Variants in ROBO1 observed in about 807,000 individuals in gnomAD.
ROBO1 encodes roundabout homolog 1.
Under a neutral mutation model 195.9 loss-of-function variants are expected in ROBO1, and 149 were observed. That is an observed-to-expected ratio of 0.76 (90% CI 0.67 to 0.87). The LOEUF (loss-of-function observed/expected upper bound fraction) is 0.87, where lower values mean the gene tolerates loss of function less well. ROBO1 is among the 40% of genes least tolerant of loss of function. ROBO1 has a pLI of 0.00. For missense variants in ROBO1, 1,933 were observed against 2,068.3 expected (o/e 0.93, Z 1.27); for synonymous variants, 816 against 733.2 (o/e 1.11, Z -1.82).
chr3:79,266,969 T>C (rs1458871076), intron 2 of ROBO1, among the ~76,000 whole-genome samples: 1 of 151,570 alleles, frequency 6.6e-6, no homozygotes, highest in Non-Finnish European at 1.5e-5. Flanking sequence ...CGTTCACTTA[T>C]ATGCTTTTTG....
intron 2 of ROBO1, among the ~76,000 whole-genome samples, chr3:79,242,778 T>A (rs1465401552): frequency 6.6e-6 from 1 of 152,092 alleles, no homozygotes; most frequent in African/African-American, 2.4e-5. Context: ...GAGACGGTAA[T>A]AGCTACAATG....
At chr3:79,542,426 T>G (rs1480909784) in intron 2 of ROBO1, among the ~76,000 whole-genome samples, 1 of 152,046 alleles carries the variant, frequency 6.6e-6, no homozygotes, top group African/African-American at 2.4e-5. Flanking sequence ...ATAAAGTTAT[T>G]TTTTCAGAAA....
At chr3:78,964,664 C>T (rs2041580967) in intron 3 of ROBO1, among the ~76,000 whole-genome samples, 1 of 151,908 alleles carries the variant, frequency 6.6e-6, no homozygotes, top group South Asian at 2.1e-4. Flanking sequence ...GAGAAGATAA[C>T]CATCCCCATA....
At position 79,476,546 on chromosome 3, in the gene ROBO1, G is replaced by GGT. The variant is rs1938555048; in HGVS notation, c.88+113276_88+113277dup. On this transcript the variant is annotated intron_variant, in intron 2 of 30. Transcript: ENST00000464233. ...ATCAACGAGTGGATAAATAAATTGT[G>GGT]GTGTATATATATATACCATGGAATA... Among the ~76,000 whole-genome samples, 4 of 151,920 alleles carry GGT rather than the reference G, an allele frequency of 2.6e-5. 1 individual carries two copies. In the South Asian group the frequency reaches 6.2e-4, roughly 24 times the overall value.
In ROBO1 at chr3:79,639,066, G is replaced by T. The variant is rs141686819; in HGVS notation, c.-50-49105C>A. On this transcript the variant is annotated intron_variant, in intron 1 of 30. Coordinates refer to ENST00000464233, the MANE Select transcript of ROBO1 (RefSeq NM_002941.4). ...AATGTTCACTTGCATAGCATCAATG[G>T]TGTTTGGGAGAGAGTTTCTATCAAA... Among the ~76,000 whole-genome samples, 681 of 152,274 alleles carry T rather than the reference G, an allele frequency of 4.5e-3. 3 individuals are homozygous for T. The highest frequency in any genetic ancestry group is 0.015 in the African/African-American group (629 of 41,572).
intron 2 of ROBO1, among the ~76,000 whole-genome samples, chr3:79,376,331 A>G (rs867538500): frequency 1.3e-5 from 2 of 152,172 alleles, no homozygotes; most frequent in Non-Finnish European, 1.5e-5. Flanking sequence ...TTTGTCCCTT[A>G]AGATCTTTCT....
chr3:78,873,319 T>G (rs151254742), intron 4 of ROBO1, among the ~76,000 whole-genome samples: 17 of 152,160 alleles, frequency 1.1e-4, no homozygotes, highest in Non-Finnish European at 2.2e-4. Flanking sequence ...TCTGGAGATA[T>G]CCAATTTTGT....
chr3:79,603,030 T>C (rs1251354526), intron 1 of ROBO1, among the ~76,000 whole-genome samples: 1 of 152,030 alleles, frequency 6.6e-6, no homozygotes, highest in East Asian at 1.9e-4. Flanking sequence ...CTTCTGAATG[T>C]CATTCCTTGT....
At chr3:79,678,451 A>T (rs1326670323) in intron 1 of ROBO1, among the ~76,000 whole-genome samples, 1 of 152,074 alleles carries the variant, frequency 6.6e-6, no homozygotes, top group Non-Finnish European at 1.5e-5. Context: ...TAGATAAAAT[A>T]TTTGATAAGG....
intron 3 of ROBO1, chr3:79,018,568 C>T: frequency 3.9e-6 from 6 of 1,519,366 alleles, no homozygotes; most frequent in Non-Finnish European, 5.3e-6. Flanking sequence ...TTAATATAAG[C>T]AACGTGGGTC....
intron 2 of ROBO1, among the ~76,000 whole-genome samples, chr3:79,448,933 C>T (rs1192554652): frequency 6.6e-6 from 1 of 152,048 alleles, no homozygotes; most frequent in Non-Finnish European, 1.5e-5. Flanking sequence ...TTTCTACCTC[C>T]AAGATTCAGT....
intron 4 of ROBO1, among the ~76,000 whole-genome samples, chr3:78,857,157 A>G (rs2034498635): frequency 6.6e-6 from 1 of 152,110 alleles, no homozygotes; most frequent in South Asian, 2.1e-4. Context: ...TTAGGCCTCA[A>G]ATGGGTGGCA....
intron 3 of ROBO1, among the ~76,000 whole-genome samples, chr3:79,110,605 G>A (rs1190779107): frequency 1.3e-5 from 2 of 149,368 alleles, no homozygotes; most frequent in African/African-American, 5.0e-5. Context: ...TTATTGATTT[G>A]AAGTGAGGGA....
chr3:78,772,717 G>C (rs746666772), intron 4 of ROBO1, among the ~76,000 whole-genome samples: 4 of 151,902 alleles, frequency 2.6e-5, no homozygotes, highest in Non-Finnish European at 4.4e-5. Context: ...CTACTTCTCA[G>C]GCCTCTACTC....
intron 3 of ROBO1, chr3:79,019,204 G>A (rs931950990): frequency 1.0e-6 from 1 of 986,554 alleles, no homozygotes; most frequent in Non-Finnish European, 1.2e-6. Flanking sequence ...ATCGCCCTCG[G>A]CCCCTCGCCC....
At chr3:79,767,216 G>A (rs1005339803) in intron 1 of ROBO1, among the ~76,000 whole-genome samples, 1 of 152,076 alleles carries the variant, frequency 6.6e-6, no homozygotes, top group Non-Finnish European at 1.5e-5. Context: ...CAGCCTGCCC[G>A]TGTCTATGCC....
chr3:78,617,522 CTG>C (rs1295266123), intron 27 of ROBO1, 111 bp downstream of exon 27: 78 of 754,930 alleles, frequency 1.0e-4, no homozygotes, highest in Non-Finnish European at 1.4e-4. Context: ...AAAAAAAAAA[CTG>C]TAAGAATAGA....
chr3:78,851,708 A>T (rs2034079188), intron 4 of ROBO1, among the ~76,000 whole-genome samples: 1 of 152,240 alleles, frequency 6.6e-6, no homozygotes, highest in African/African-American at 2.4e-5. Context: ...GTCAAGTAAC[A>T]TTTATTGATC....
At chr3:79,546,882 T>TA (rs1942282011) in intron 2 of ROBO1, among the ~76,000 whole-genome samples, 1 of 152,106 alleles carries the variant, frequency 6.6e-6, no homozygotes, top group African/African-American at 2.4e-5. Flanking sequence ...TACTACAGTG[T>TA]AAAAAATACG....
Sources: gnomAD v4.1 joint callset for allele counts (sites outside exome capture counted in the v4.1 genomes callset) on GRCh38, gnomAD v4.1.1 for gene constraint, MANE v1.5 for transcripts, NCBI Gene and HGNC (gene_info 2026-07-23, HGNC 2026-07-21) for gene names.